SEC14L1: variants seen among roughly 807,000 people sequenced by gnomAD.
SEC14L1 encodes SEC14 like lipid binding 1.
Under a neutral mutation model 85.3 loss-of-function variants are expected in SEC14L1, and 48 were observed. The ratio of observed to expected loss-of-function variants is 0.56; its 90% CI spans 0.45 to 0.72. The LOEUF is 0.72. Ranked by LOEUF, SEC14L1 falls within the 30% of genes least tolerant of loss-of-function variation. The probability of loss-of-function intolerance (pLI) is 0.00; values close to 1 mark genes in which losing one functional copy is unlikely to be tolerated. For missense variants in SEC14L1, 682 were observed against 921.4 expected (o/e 0.74, Z 3.36); for synonymous variants, 391 against 355.5 (o/e 1.10, Z -1.12).
At chr17:77,182,314 G>A (rs530483321) in intron 3 of SEC14L1, among the ~76,000 whole-genome samples, 36 of 152,264 alleles carry the variant, frequency 2.4e-4, no homozygotes, top group Middle Eastern at 3.4e-3. Flanking sequence ...TGTCAAAATT[G>A]CATTCAAAGG....
At chr17:77,204,940 A>G (rs993269621) in intron 10 of SEC14L1, among the ~76,000 whole-genome samples, 4 of 152,092 alleles carry the variant, frequency 2.6e-5, no homozygotes, top group African/African-American at 9.7e-5. Context: ...GTGTTCTCAC[A>G]CTCACAGACA....
At chr17:77,200,421 A>G in intron 8 of SEC14L1, 63 bp from the exon 9 acceptor site, 3 of 1,362,958 alleles carry the variant, frequency 2.2e-6, no homozygotes, top group Non-Finnish European at 3.1e-6. Flanking sequence ...CGTCCACCGC[A>G]GCCTCCCAAA....
chr17:77,166,592 C>T (rs1974292707), intron 3 of SEC14L1, among the ~76,000 whole-genome samples: 1 of 152,196 alleles, frequency 6.6e-6, no homozygotes, highest in East Asian at 1.9e-4. Flanking sequence ...GTAATCCCAG[C>T]ACTTTGGGAG....
At chr17:77,118,341 C>T (rs576881797) in intron 3 of SEC14L1, among the ~76,000 whole-genome samples, 1 of 152,334 alleles carries the variant, frequency 6.6e-6, no homozygotes, top group African/African-American at 2.4e-5. Context: ...CAGGTCCCTT[C>T]GGAGAGTGAA....
At position 77,194,709 on chromosome 17, in the gene SEC14L1, A is replaced by G. The variant is rs1353463145; in HGVS notation, c.507A>G (p.Gln169=). The part of the protein sequence containing the change: ...GKEIIEYYLR[Q]LEEEGITFVP... ...AAATCATCGAATACTACCTTCGCCA[A>G]TTAGAAGAAGAAGGCATAACCTTTG... The change falls in exon 7 of 17, where the codon CAA becomes CAG. Residue 169 remains glutamine, a synonymous_variant. Coordinates refer to ENST00000436233, the MANE Select transcript of SEC14L1 (RefSeq NM_001143998.2). 5.0e-6 allele frequency: 8 copies of G among 1,614,074 alleles called. No homozygotes were observed. The East Asian group carries it at 6.7e-5, about 13-fold the overall frequency.
intron 3 of SEC14L1, among the ~76,000 whole-genome samples, chr17:77,109,388 G>C (rs1420964983): frequency 6.6e-6 from 1 of 152,216 alleles, no homozygotes; most frequent in East Asian, 1.9e-4. Flanking sequence ...ATAGGCGTGG[G>C]TCACAGAGCC....
chr17:77,186,785 C>G (rs930378892), intron 3 of SEC14L1, among the ~76,000 whole-genome samples: 1 of 152,162 alleles, frequency 6.6e-6, no homozygotes, highest in African/African-American at 2.4e-5. Flanking sequence ...AGGTAAACAT[C>G]AGGGAATTGC....
At chr17:77,193,648 G>A (rs1013880738) in intron 6 of SEC14L1, 99 bp downstream of exon 6, 12 of 1,266,320 alleles carry the variant, frequency 9.5e-6, no homozygotes, top group Admixed American at 2.0e-5. Context: ...GGGATTTGCA[G>A]CATTTCTTGG....
intron 3 of SEC14L1, among the ~76,000 whole-genome samples, chr17:77,118,170 G>A (rs1045071286): frequency 6.6e-6 from 1 of 152,268 alleles, no homozygotes; most frequent in Non-Finnish European, 1.5e-5. Flanking sequence ...GGTGAGTGCG[G>A]CAGGCCGCAC....
chr17:77,213,775 T>C lies in SEC14L1; in HGVS notation c.2043-143T>C. The stretch of plus-strand genomic sequence containing the variant: ...GCCGGTCCCCCTGGTGGGTTACTCA[T>C]GTCCATCCCCCGTTTGCAAGCACTG... On this transcript the variant is annotated intron_variant, in intron 16 of 16. Coordinates refer to ENST00000436233, the MANE Select transcript of SEC14L1 (RefSeq NM_001143998.2). The surrounding 1 kb of genome is among the most constrained non-coding windows in gnomAD (Gnocchi z 7.1). 1 of 1,119,546 alleles carries C rather than the reference T, an allele frequency of 8.9e-7. No homozygotes were observed. Among genetic ancestry groups the C allele is most frequent in the Non-Finnish European group, 1.3e-6 (1 of 753,252 alleles). 69.4% of individuals were successfully genotyped at this position (1,119,546 alleles called of 1,614,324 possible).
chr17:77,196,190 C>G lies in SEC14L1; in HGVS notation c.710-12C>G. On this transcript the variant is annotated splice_polypyrimidine_tract_variant and intron_variant, in intron 7 of 16. Coordinates refer to ENST00000436233, the MANE Select transcript of SEC14L1 (RefSeq NM_001143998.2). ...TGTTCTTTGTTGTAAATAAATGTCA[C>G]TTACATTCCAGACAAACTAGATGCC... 6.3e-7 allele frequency: 1 copy of G among 1,598,792 alleles called. No homozygotes were observed. The highest frequency in any genetic ancestry group is 8.6e-7 in the Non-Finnish European group (1 of 1,166,236).
At chr17:77,186,091 A>G (rs1189252994) in intron 3 of SEC14L1, among the ~76,000 whole-genome samples, 1 of 152,174 alleles carries the variant, frequency 6.6e-6, no homozygotes, top group Non-Finnish European at 1.5e-5. Flanking sequence ...CATCCTGCGC[A>G]TGAGTCTCTT....
intron 3 of SEC14L1, among the ~76,000 whole-genome samples, chr17:77,181,775 G>A (rs1255985018): frequency 1.3e-5 from 2 of 152,120 alleles, no homozygotes; most frequent in African/African-American, 4.8e-5. Flanking sequence ...CCTTCCACTT[G>A]TATATTCCTT....
rs1359247229 is a variant in SEC14L1, at chr17:77,215,524, C to T, written c.*1501C>T. The T allele has an allele frequency of 3.0e-6, 3 of 986,232 alleles. No individual in the cohort carries two copies. In the African/African-American group the frequency reaches 5.3e-5, roughly 17 times the overall value. The allele number at this position is 986,232 out of a possible 1,614,324, so 61.1% of individuals were successfully genotyped here. A position where few individuals can be genotyped will look rare whatever the true frequency, so the allele number is the denominator to read the frequency against. On this transcript the variant is annotated 3_prime_UTR_variant, in exon 17 of 17. Transcript: ENST00000436233. ...GTGTGGAGGCCATGTGTGCCCCGTG[C>T]AGGGATCAGGAGGGCGGGGGAGGGA...
At chr17:77,165,520 CTT>C (rs1213878507) in intron 3 of SEC14L1, among the ~76,000 whole-genome samples, 3 of 152,158 alleles carry the variant, frequency 2.0e-5, no homozygotes, top group East Asian at 3.9e-4. Context: ...AGAGGGGTGA[CTT>C]TGAGTGGAAT....
chr17:77,097,796 C>T (rs1314385230), intron 3 of SEC14L1, among the ~76,000 whole-genome samples: 1 of 152,078 alleles, frequency 6.6e-6, no homozygotes, highest in African/African-American at 2.4e-5. Flanking sequence ...TCCCTCCTCT[C>T]AGAGAACTTA....
At chr17:77,138,824 G>GA (rs111424590), upstream of SEC14L1, among the ~76,000 whole-genome samples, 20 of 147,928 alleles carry the variant, frequency 1.4e-4, no homozygotes, top group East Asian at 9.8e-4. Context: ...ACTGTTTCAA[G>GA]AAAAAAAAAA....
Position 77,186,195 on chromosome 17 carries a change from G to T in SEC14L1, c.64-4608G>T, listed in dbSNP as rs145752306. Among the ~76,000 whole-genome samples, 19 of 152,168 alleles carry T rather than the reference G, an allele frequency of 1.2e-4. No individual in the cohort carries two copies. In the South Asian group the frequency reaches 4.0e-3, roughly 32 times the overall value. On this transcript the variant is annotated intron_variant, in intron 3 of 16. Coordinates refer to ENST00000436233, the MANE Select transcript of SEC14L1 (RefSeq NM_001143998.2). Reference sequence around the variant, plus strand: ...AGGCCAGGGCCTTCTGTCTGCACCCGGCAAGGCATGGTCTATGCCACATCG... The same window carrying T: ...AGGCCAGGGCCTTCTGTCTGCACCCTGCAAGGCATGGTCTATGCCACATCG...
At chr17:77,201,351 A>C (rs1045270304) in intron 9 of SEC14L1, among the ~76,000 whole-genome samples, 1 of 152,206 alleles carries the variant, frequency 6.6e-6, no homozygotes, top group Non-Finnish European at 1.5e-5. Context: ...TTACCCTCTG[A>C]ACAAGTCCTT....
Sources: allele counts gnomAD v4.1 joint callset (sites outside exome capture counted in the v4.1 genomes callset), GRCh38; gene constraint gnomAD v4.1.1; non-coding constraint Gnocchi (gnomAD v3.1); transcripts MANE v1.5; gene names NCBI Gene and HGNC (gene_info 2026-07-23, HGNC 2026-07-21).